The following PUM3 variants were observed in gnomAD, a reference collection of about 807,000 sequenced individuals.
PUM3 encodes pumilio homolog 3.
PUM3 carries 91 observed loss-of-function variants against 84.0 expected under a neutral mutation model. The ratio of observed to expected loss-of-function variants is 1.08; its 90% confidence interval spans 0.91 to 1.29. The LOEUF (loss-of-function observed/expected upper bound fraction) is 1.29. PUM3 is among the 50% of genes most tolerant of loss of function. The probability of loss-of-function intolerance (pLI) is 0.00; values close to 1 mark genes in which losing one functional copy is unlikely to be tolerated. For missense variants in PUM3, 1,067 were observed against 767.5 expected, an observed-to-expected ratio of 1.39 and a Z score of -4.61; for synonymous variants, 321 against 266.7, an observed-to-expected ratio of 1.20 and a Z score of -1.98.
At chr9:2,822,835 T>C (rs1292397621) in intron 12 of PUM3, among the ~76,000 whole-genome samples, 1 of 150,716 alleles carries the variant, frequency 6.6e-6, no homozygotes, top group East Asian at 1.9e-4. Context: ...AATATGAGAA[T>C]TCCATATTTC....
intron 1 of PUM3, among the ~76,000 whole-genome samples, chr9:2,843,770 G>T (rs947129054): frequency 6.6e-6 from 1 of 151,812 alleles, no homozygotes; most frequent in Admixed American, 6.6e-5. Context: ...AGTAGAGACG[G>T]GGTTTCACCG....
At chr9:2,825,949 C>T (rs527846341) in intron 10 of PUM3, among the ~76,000 whole-genome samples, 29 of 152,254 alleles carry the variant, frequency 1.9e-4, no homozygotes, top group Non-Finnish European at 3.4e-4. Context: ...AAGGAACAAA[C>T]AATTTCAGCC....
At chr9:2,813,456 A>G (rs979239357) in intron 13 of PUM3, among the ~76,000 whole-genome samples, 1 of 152,130 alleles carries the variant, frequency 6.6e-6, no homozygotes, top group Admixed American at 6.5e-5. Context: ...GTTCTGTCCA[A>G]CTGGCCAGGT....
chr9:2,840,846 G>C (rs1816248054), intron 1 of PUM3, among the ~76,000 whole-genome samples: 1 of 152,194 alleles, frequency 6.6e-6, no homozygotes, highest in East Asian at 1.9e-4. Flanking sequence ...AGGAATCCTG[G>C]TTCCTTTCAT....
chr9:2,820,382 A>G (rs1275296141), intron 12 of PUM3, among the ~76,000 whole-genome samples: 1 of 152,084 alleles, frequency 6.6e-6, no homozygotes, highest in Non-Finnish European at 1.5e-5. Context: ...ACTAATACCT[A>G]TTTACATAGG....
chr9:2,809,219 G>C (rs1211305620), intron 16 of PUM3, among the ~76,000 whole-genome samples: 2 of 152,108 alleles, frequency 1.3e-5, no homozygotes, highest in East Asian at 1.9e-4. Flanking sequence ...AATCAAAACA[G>C]CTAGACGTGC....
intron 12 of PUM3, among the ~76,000 whole-genome samples, chr9:2,823,191 T>C (rs1048965561): frequency 6.6e-6 from 1 of 151,978 alleles, no homozygotes; most frequent in African/African-American, 2.4e-5. Flanking sequence ...TAAAAACATA[T>C]AAACACTATT....
At chr9:2,840,835 A>G (rs1285112588) in intron 1 of PUM3, among the ~76,000 whole-genome samples, 1 of 152,168 alleles carries the variant, frequency 6.6e-6, no homozygotes, top group African/African-American at 2.4e-5. Flanking sequence ...CCACTTCTCC[A>G]AGGAATCCTG....
In PUM3 at chr9:2,824,748, G is replaced by C; in HGVS notation, c.1103C>G (p.Ala368Gly). ...CGTGCCATGCCACAGGCAGTGCATGGCCACTCTGGCGCCATCGTGTGTGTG... is the reference window on the plus strand; with the variant it reads ...CGTGCCATGCCACAGGCAGTGCATGCCCACTCTGGCGCCATCGTGTGTGTG... ...LAHTHDGARV[A>G]MHCLWHGTPK... The change falls in exon 11 of 18, where the codon GCC becomes GGC. Residue 368 changes from alanine (A) to glycine (G), a missense_variant. Physicochemically the swap from Ala to Gly is moderately conservative, Grantham distance 60 (BLOSUM62 0). Coordinates refer to ENST00000397885, the MANE Select transcript of PUM3 (RefSeq NM_014878.5). 1 of 1,583,040 alleles carries C rather than the reference G, an allele frequency of 6.3e-7. No individual in the cohort carries two copies. Among genetic ancestry groups the C allele is most frequent in the Non-Finnish European group, 8.6e-7 (1 of 1,160,208 alleles).
chr9:2,822,878 ATTC>A (rs1198727360), intron 12 of PUM3, among the ~76,000 whole-genome samples: 2 of 151,418 alleles, frequency 1.3e-5, no homozygotes, highest in African/African-American at 2.4e-5. Context: ...TGCCTTCTGA[ATTC>A]TTCTAATTTC....
rs1355371852 is a variant in PUM3 at position 2,811,351 on chromosome 9, G to A, written c.1635+10C>T. 6.2e-7 allele frequency: 1 copy of A among 1,612,052 alleles called. No individual in the cohort carries two copies. Among genetic ancestry groups the A allele is most frequent in the Non-Finnish European group, 8.5e-7 (1 of 1,178,764 alleles). On this transcript the variant is annotated intron_variant, in intron 15 of 17. Coordinates refer to ENST00000397885, the MANE Select transcript of PUM3 (RefSeq NM_014878.5). ...GCAGCTTTCCTGCCTGTGCTTTAAT[G>A]GCACATTACCTCTCCGTCCTTGCCA... is the stretch of plus-strand genomic sequence containing the variant.
chr9:2,827,240 C>A, intron 9 of PUM3, 89 bp from the exon 10 acceptor site: 3 of 825,926 alleles, frequency 3.6e-6, no homozygotes, highest in African/African-American at 1.8e-5. Context: ...CTAAAGTAAT[C>A]TAAACAAGTG....
intron 13 of PUM3, among the ~76,000 whole-genome samples, chr9:2,813,016 A>G (rs879599618): frequency 6.6e-6 from 1 of 152,232 alleles, no homozygotes; most frequent in Non-Finnish European, 1.5e-5. Context: ...AAGGCTTTTA[A>G]AGTTAGGTTG....
chr9:2,807,680 T>C (rs1821287202), intron 17 of PUM3, 134 bp downstream of exon 17: 2 of 585,004 alleles, frequency 3.4e-6, no homozygotes, highest in Non-Finnish European at 6.0e-6. Context: ...TTGGTATGTT[T>C]GTCTAGACCA....
chr9:2,823,592 G>T (rs1317134079), intron 12 of PUM3, among the ~76,000 whole-genome samples, 189 bp downstream of exon 12: 1 of 152,048 alleles, frequency 6.6e-6, no homozygotes, highest in Non-Finnish European at 1.5e-5. Context: ...AAGGAGAAAA[G>T]AATGCATGTG....
chr9:2,821,360 C>T (rs928543275), intron 12 of PUM3, among the ~76,000 whole-genome samples: 3 of 142,746 alleles, frequency 2.1e-5, no homozygotes, highest in Non-Finnish European at 4.5e-5. Context: ...AGGAGAATGG[C>T]GTGAACCTGG....
intron 9 of PUM3, chr9:2,828,426 T>C: frequency 2.6e-6 from 1 of 378,152 alleles, no homozygotes; most frequent in East Asian, 5.5e-5. Flanking sequence ...GGGGAAAGAA[T>C]GTTTCATTGC....
In PUM3 at chr9:2,830,963, C is replaced by T; in HGVS notation, c.676G>A (p.Gly226Arg). The change falls in exon 7 of 18, where the codon GGA (glycine) becomes AGA (arginine). Residue 226 changes from glycine to arginine, a missense_variant and splice_region_variant. Transcript: ENST00000397885. ...TATTTTATACATAAAACAACTTACC[C>T]ATACATGAGAAATTTCTTAACAATA... ...RNIVKKFLMY[G>R]SKPQIAEIIR... 2 of 1,414,834 alleles carry T rather than the reference C, an allele frequency of 1.4e-6. No individual in the cohort carries two copies. Among genetic ancestry groups the T allele is most frequent in the East Asian group, 4.6e-5 (2 of 43,816 alleles). The allele number at this position is 1,414,834 out of a possible 1,614,324, so 87.6% of individuals were successfully genotyped here.
chr9:2,842,108 C>G (rs556814089), intron 1 of PUM3, among the ~76,000 whole-genome samples: 2 of 152,302 alleles, frequency 1.3e-5, no homozygotes, highest in South Asian at 2.1e-4. Flanking sequence ...CTTTTTGAGT[C>G]TTGCTTTTTG....
Sources: gnomAD v4.1 joint callset for allele counts (sites outside exome capture counted in the v4.1 genomes callset) on GRCh38, gnomAD v4.1.1 for gene constraint, MANE v1.5 for transcripts, NCBI Gene and HGNC (gene_info 2026-07-23, HGNC 2026-07-21) for gene names.